Variants in ATAD5 observed in about 807,000 individuals in gnomAD.
ATAD5 encodes ATPase family AAA domain containing 5.
A neutral mutation model predicts 176.9 loss-of-function variants in ATAD5; 58 were observed. The observed-to-expected ratio is 0.33, with a 90% CI of 0.27 to 0.41. The LOEUF (loss-of-function observed/expected upper bound fraction) is 0.41, where lower values mean the gene tolerates loss of function less well. ATAD5 is among the 10% of genes least tolerant of loss of function. The pLI, the probability that ATAD5 is intolerant of heterozygous loss-of-function variation, is 1.00. For synonymous variants in ATAD5, 640 were observed against 712.6 expected, an observed-to-expected ratio of 0.90 and a Z score of 1.62; for missense variants, 1,789 against 2,094.1, an observed-to-expected ratio of 0.85 and a Z score of 2.84.
At chr17:30,886,912 G>T (rs1289223717) in intron 18 of ATAD5, among the ~76,000 whole-genome samples, 3 of 152,082 alleles carry the variant, frequency 2.0e-5, no homozygotes, top group African/African-American at 7.2e-5. Context: ...TTTTATCAAG[G>T]TTTATAAAAC....
At chr17:30,878,458 C>G (rs1053291412) in intron 17 of ATAD5, among the ~76,000 whole-genome samples, 4 of 152,032 alleles carry the variant, frequency 2.6e-5, no homozygotes, top group African/African-American at 9.7e-5. Context: ...ATAACACTTT[C>G]TTATGAATTA....
intron 3 of ATAD5, among the ~76,000 whole-genome samples, chr17:30,840,205 A>G (rs907058454): frequency 6.7e-6 from 1 of 150,098 alleles, no homozygotes; most frequent in Non-Finnish European, 1.5e-5. Flanking sequence ...TAAAAAAAAA[A>G]AAAAAAAAAA....
intron 6 of ATAD5, among the ~76,000 whole-genome samples, chr17:30,854,450 T>C (rs1490460279): frequency 6.7e-6 from 1 of 148,692 alleles, no homozygotes; most frequent in Non-Finnish European, 1.5e-5. Context: ...CGGCTCCCTG[T>C]AACCTCTGCC....
At chr17:30,865,841 C>A in intron 11 of ATAD5, 41 bp downstream of exon 11, 1 of 1,287,120 alleles carries the variant, frequency 7.8e-7, no homozygotes, top group Non-Finnish European at 1.1e-6. Context: ...AGTTTACAAA[C>A]TTAGTTTTAC....
chr17:30,859,509 G>A (rs1484282571), intron 9 of ATAD5, among the ~76,000 whole-genome samples: 1 of 152,078 alleles, frequency 6.6e-6, no homozygotes, highest in Non-Finnish European at 1.5e-5. Flanking sequence ...GCAGGCACCT[G>A]CCACCATGCC....
chr17:30,834,778 G>A lies in ATAD5; in HGVS notation c.697G>A (p.Gly233Ser). 6.2e-7 allele frequency: 1 copy of A among 1,613,982 alleles called. No individual in the cohort carries two copies. Among genetic ancestry groups the A allele is most frequent in the Non-Finnish European group, 8.5e-7 (1 of 1,179,960 alleles). Reference protein sequence around the residue: ...AEELNLLKKDGKDTKQMENTT... With the variant: ...AEELNLLKKDSKDTKQMENTT... ...GGAACTAAATTTGCTTAAAAAAGATGGTAAAGATACTAAACAGATGGAGAA... is the reference window on the plus strand; with the variant it reads ...GGAACTAAATTTGCTTAAAAAAGATAGTAAAGATACTAAACAGATGGAGAA... The change falls in exon 2 of 23, where the codon GGT (glycine) becomes AGT (serine). Residue 233 changes from glycine (G) to serine (S), a missense_variant. By Grantham distance (56) the Gly-to-Ser change is moderately conservative. Around this residue, in one of 6 missense-constraint regions of ATAD5, gnomAD observed 696 missense variants for 712.5 expected, o/e 0.98. Coordinates refer to ENST00000321990, the MANE Select transcript of ATAD5 (RefSeq NM_024857.5).
chr17:30,890,783 A>G (rs1909596011), intron 19 of ATAD5, among the ~76,000 whole-genome samples: 2 of 152,234 alleles, frequency 1.3e-5, no homozygotes, highest in Middle Eastern at 3.4e-3. Flanking sequence ...CCTTAAAAAA[A>G]AAACAGATAC....
chr17:30,892,805 T>C lies in ATAD5; in HGVS notation c.4440+17T>C, dbSNP rs868377587. 7 of 1,497,092 alleles carry C rather than the reference T, an allele frequency of 4.7e-6. No homozygotes were observed. The Middle Eastern group carries it at 1.2e-3, about 263-fold the overall frequency. 92.7% of individuals were successfully genotyped at this position (1,497,092 alleles called of 1,614,324 possible). ...TTTTTAAAGGTATTTTCAATGTCTG[T>C]TTTGCAATGTTGAATTTATATTCCT... On this transcript the variant is annotated intron_variant, in intron 20 of 22. Transcript: ENST00000321990.
chr17:30,834,946 A>G lies in ATAD5; in HGVS notation c.865A>G (p.Ile289Val), dbSNP rs1376142027. The G allele has an allele frequency of 1.2e-6, 2 of 1,604,806 alleles. No individual in the cohort carries two copies. The highest frequency in any genetic ancestry group is 1.7e-6 in the Non-Finnish European group (2 of 1,173,140). Residue 289 changes from isoleucine to valine, a missense_variant, in exon 2 of 23, where the codon ATT becomes GTT. Around this residue, in one of 6 missense-constraint regions of ATAD5, gnomAD observed 696 missense variants for 712.5 expected, o/e 0.98. Coordinates refer to ENST00000321990, the MANE Select transcript of ATAD5 (RefSeq NM_024857.5). Reference protein sequence around the residue: ...VEEIPDSTMSICVPSETVDEI... With the variant: ...VEEIPDSTMSVCVPSETVDEI... ...AGAGATACCAGACTCTACAATGTCA[A>G]TTTGTGTTCCTTCTGAAACTGTCGA...
At chr17:30,841,883 C>A (rs1005923752) in intron 4 of ATAD5, among the ~76,000 whole-genome samples, 3 of 152,074 alleles carry the variant, frequency 2.0e-5, no homozygotes, top group Non-Finnish European at 2.9e-5. Context: ...TTTGGCTATT[C>A]TGAACATTTT....
chr17:30,880,178 C>A (rs1908928923), intron 18 of ATAD5, among the ~76,000 whole-genome samples: 1 of 152,036 alleles, frequency 6.6e-6, no homozygotes, highest in Non-Finnish European at 1.5e-5. Flanking sequence ...GTGGCACATG[C>A]CTGTAGTCCT....
At chr17:30,889,238 G>C (rs1010678977) in intron 19 of ATAD5, among the ~76,000 whole-genome samples, 1 of 148,240 alleles carries the variant, frequency 6.7e-6, no homozygotes, top group African/African-American at 2.5e-5. Flanking sequence ...TTCATGGGCA[G>C]GATCATAATG....
In ATAD5 at chr17:30,843,928, A is replaced by G. The variant is rs767228850; in HGVS notation, c.2257A>G (p.Ile753Val). The G allele has an allele frequency of 1.4e-6, 2 of 1,418,250 alleles. No individual in the cohort carries two copies. The highest frequency in any genetic ancestry group is 2.8e-5 in the South Asian group (2 of 72,550). 87.9% of individuals were successfully genotyped at this position (1,418,250 alleles called of 1,614,324 possible). ...LSETEDSVII[I>V]DSSPTALKHP... ...TTTGTCTTAGGATTCTGTTATAATA[A>G]TAGATTCAAGTCCTACTGCTTTAAA... Residue 753 changes from isoleucine (I) to valine (V), a missense_variant, in exon 5 of 23, where the codon ATA becomes GTA. Ile to Val is a conservative substitution (Grantham distance 29). Transcript: ENST00000321990.
chr17:30,837,660 A>G (rs1178217809), intron 3 of ATAD5, among the ~76,000 whole-genome samples: 1 of 152,226 alleles, frequency 6.6e-6, no homozygotes, highest in African/African-American at 2.4e-5. Context: ...CAACAGAAAC[A>G]TATTTCTCAC....
rs150095617 is a variant in ATAD5, at chr17:30,879,473, A to T, written c.4063A>T (p.Ser1355Cys). 14 of 1,592,348 alleles carry T rather than the reference A, an allele frequency of 8.8e-6. No homozygotes were observed. In the African/African-American group the frequency reaches 1.9e-4, roughly 22 times the overall value. Residue 1355 changes from serine (S) to cysteine (C), a missense_variant, in exon 18 of 23, where the codon AGT (serine) becomes TGT (cysteine). Transcript: ENST00000321990. ...FDGCFEEIKFSTPSLLNVASY... is the reference protein window; with the variant it reads ...FDGCFEEIKFCTPSLLNVASY... ...TGGCTGCTTTGAAGAAATCAAGTTCAGTACTCCTTCCCTGGTAAGTTTTAA... is the reference window on the plus strand; with the variant it reads ...TGGCTGCTTTGAAGAAATCAAGTTCTGTACTCCTTCCCTGGTAAGTTTTAA...
In ATAD5 at chr17:30,832,364, C is replaced by T. The variant is rs1905432213; in HGVS notation, c.17C>T (p.Ala6Val). 1.3e-6 allele frequency: 2 copies of T among 1,562,310 alleles called. No homozygotes were observed. Among genetic ancestry groups the T allele is most frequent in the Non-Finnish European group, 1.7e-6 (2 of 1,153,242 alleles). The change falls in exon 1 of 23, where the codon GCC becomes GTC. Residue 6 changes from alanine (A) to valine (V), a missense_variant. By Grantham distance (64) the Ala-to-Val change is moderately conservative. This residue lies in a region of ATAD5 where 696 missense variants were observed against 712.5 expected (regional missense o/e 0.98). Coordinates refer to ENST00000321990, the MANE Select transcript of ATAD5 (RefSeq NM_024857.5). MVGVLAMAAAAAPPPV... is the reference protein window; with the variant it reads MVGVLVMAAAAAPPPV... ...GCGGGGAGTATGGTGGGGGTCCTGG[C>T]CATGGCGGCTGCAGCTGCTCCGCCT...
rs2142420588 is a variant in ATAD5 at position 30,878,105 on chromosome 17, C to T, written c.4012+9C>T. ...AATCCTTACTACAAGTGGTAGGTAA[C>T]AATGATTTTACTTCAGTTAAACAGT... On this transcript the variant is annotated intron_variant, in intron 17 of 22. Transcript: ENST00000321990. 1 of 1,577,678 alleles carries T rather than the reference C, an allele frequency of 6.3e-7. No individual in the cohort carries two copies. The highest frequency in any genetic ancestry group is 1.1e-5 in the South Asian group (1 of 87,746).
chr17:30,885,944 A>G (rs1203094006), intron 18 of ATAD5, among the ~76,000 whole-genome samples: 1 of 151,990 alleles, frequency 6.6e-6, no homozygotes. Flanking sequence ...ATTTTTATCA[A>G]GAGTAGGTGT....
chr17:30,860,308 G>A, intron 9 of ATAD5, 125 bp from the exon 10 acceptor site: 1 of 1,087,494 alleles, frequency 9.2e-7, no homozygotes, highest in Non-Finnish European at 1.3e-6. Context: ...AGAGGCCTGA[G>A]CCACTGCACC....
Sources: gnomAD v4.1 joint callset for allele counts (sites outside exome capture counted in the v4.1 genomes callset) on GRCh38, gnomAD v4.1.1 for gene constraint, gnomAD v4.1.1 regional missense constraint, MANE v1.5 for transcripts, NCBI Gene and HGNC (gene_info 2026-07-23, HGNC 2026-07-21) for gene names.